TTN: variants seen among roughly 807,000 people sequenced by gnomAD.
The protein encoded by TTN is connectin.
TTN carries 1,525 observed loss-of-function variants against 3,223.0 expected under a neutral mutation model. That is an observed-to-expected ratio of 0.47 (90% CI 0.45 to 0.49). The LOEUF is 0.49. TTN is among the 20% of genes least tolerant of loss of function. The pLI is 0.00. For synonymous variants in TTN, 14,094 were observed against 15,161.0 expected (o/e 0.93, Z 5.17); for missense variants, 40,786 against 43,424.0 (o/e 0.94, Z 5.40).
Position 178,650,248 on chromosome 2 carries a change from C to T in TTN, c.39733G>A (p.Ala13245Thr). Reference protein sequence around the residue: ...PEVYEEPEEIAPEEEIAPEEE... With the variant: ...PEVYEEPEEITPEEEIAPEEE... ...TCAGGAGCAATTTCCTCTTCAGGAG[C>T]AATTTCCTCAGGTTCTTCATATACT... is the stretch of plus-strand genomic sequence containing the variant. Residue 13245 changes from alanine (A) to threonine (T), a missense_variant, in exon 210 of 363, where the codon GCT becomes ACT. Ala to Thr is a moderately conservative substitution (Grantham distance 58). Coordinates refer to ENST00000589042, the MANE Select transcript of TTN (RefSeq NM_001267550.2). 6.3e-7 allele frequency: 1 copy of T among 1,589,744 alleles called. No homozygotes were observed. Among genetic ancestry groups the T allele is most frequent in the Non-Finnish European group, 8.6e-7 (1 of 1,166,506 alleles).
In TTN at chr2:178,693,585, A is replaced by G. The variant is rs774258721; in HGVS notation, c.31594+24T>C. ...GTACTAATTTTTATTAAAAGAGTTT[A>G]AACTTAGAATGAATTACTAATACCT... On this transcript the variant is annotated intron_variant, in intron 119 of 362. Transcript: ENST00000589042. The G allele has an allele frequency of 2.0e-6, 3 of 1,496,388 alleles. No homozygotes were observed. The South Asian group carries it at 3.8e-5, about 19-fold the overall frequency. The allele number at this position is 1,496,388 out of a possible 1,614,324, so 92.7% of individuals were successfully genotyped here.
rs371678190 is a variant in TTN at position 178,578,066 on chromosome 2, G to A, written c.68449C>T (p.Arg22817Ter). 5 of 1,613,036 alleles carry A rather than the reference G, an allele frequency of 3.1e-6. No individual in the cohort carries two copies. Among genetic ancestry groups the A allele is most frequent in the South Asian group, 1.1e-5 (1 of 91,050 alleles). ...CCTGCTAAATTGATTGCCATAACTCGGAATTCATATTCAAGACCTTCAGTT... is the reference window on the plus strand; with the variant it reads ...CCTGCTAAATTGATTGCCATAACTCAGAATTCATATTCAAGACCTTCAGTT... ...GLTEGLEYEF[R>*]VMAINLAGVG... The change falls in exon 322 of 363, where the codon CGA becomes TGA. Residue 22817 changes from arginine (R) to a stop codon, truncating the protein, a stop_gained. Coordinates refer to ENST00000589042, the MANE Select transcript of TTN (RefSeq NM_001267550.2). LOFTEE classifies it high-confidence loss of function.
chr2:178,663,889 G>T lies in TTN; in HGVS notation c.36378C>A (p.Ser12126=). 6.2e-7 allele frequency: 1 copy of T among 1,613,278 alleles called. No individual in the cohort carries two copies. Among genetic ancestry groups the T allele is most frequent in the Non-Finnish European group, 8.5e-7 (1 of 1,179,768 alleles). The change falls in exon 170 of 363, where the codon TCC becomes TCA. Residue 12126 remains serine (S), a synonymous_variant. Coordinates refer to ENST00000589042, the MANE Select transcript of TTN (RefSeq NM_001267550.2). ...EVPPVKVPEA[S]KEVIREEKVP... is the part of the protein sequence containing the mutation. Reference sequence around the variant, plus strand: ...CTTTCTCTTCGCGGATAACCTCTTTGGAAGCTTCTGGCACTTGAAAGATAT... The same window carrying T: ...CTTTCTCTTCGCGGATAACCTCTTTTGAAGCTTCTGGCACTTGAAAGATAT...
rs1175908921 is a variant in TTN at position 178,633,107 on chromosome 2, C to T, written c.43087-63G>A. The T allele has an allele frequency of 8.1e-6, 13 of 1,599,494 alleles. No homozygotes were observed. In the South Asian group the frequency reaches 1.5e-4, roughly 18 times the overall value. On this transcript the variant is annotated intron_variant, in intron 233 of 362. Transcript: ENST00000589042. ...CATTTATATAGTTATTCCTACAAAT[C>T]ATCAAGATATTTTATGCCTTTTTTC...
Position 178,568,405 on chromosome 2 carries a change from T to C in TTN, c.77727A>G (p.Thr25909=), listed in dbSNP as rs775905241. Residue 25909 remains threonine, a synonymous_variant, in exon 326 of 363, where the codon ACA becomes ACG. Transcript: ENST00000589042. ...KFDDVSAESI[T]LSWNPPLYTG... Reference sequence around the variant, plus strand: ...TATATAATGGAGGGTTCCAAGATAATGTAATACTTTCAGCACTGACGTCAT... The same window carrying C: ...TATATAATGGAGGGTTCCAAGATAACGTAATACTTTCAGCACTGACGTCAT... 24 of 1,613,172 alleles carry C rather than the reference T, an allele frequency of 1.5e-5. No homozygotes were observed. The highest frequency in any genetic ancestry group is 3.3e-5 in the South Asian group (3 of 91,072).
intron 43 of TTN, among the ~76,000 whole-genome samples, chr2:178,762,569 CAT>C (rs1443583617): frequency 6.6e-6 from 1 of 152,072 alleles, no homozygotes; most frequent in East Asian, 1.9e-4. Flanking sequence ...GAATGATGTA[CAT>C]ATATGTTTAT....
rs1384015200 is a variant in TTN at position 178,663,999 on chromosome 2, A to G, written c.36364+16T>C. The G allele has an allele frequency of 1.9e-6, 3 of 1,612,434 alleles. No individual in the cohort carries two copies. The highest frequency in any genetic ancestry group is 2.5e-6 in the Non-Finnish European group (3 of 1,179,418). On this transcript the variant is annotated intron_variant, in intron 169 of 362. Transcript: ENST00000589042. ...AAGAATTAGGTCTTCTGAAGCCTAA[A>G]GTCAGTGACAAATACCTTTAACAGG...
intron 326 of TTN, 113 bp downstream of exon 326, chr2:178,559,198 A>T: frequency 1.0e-6 from 1 of 963,994 alleles, no homozygotes; most frequent in Non-Finnish European, 1.5e-6. Context: ...TTGGGGTGTG[A>T]AGGGTGTGAA....
chr2:178,795,386 T>C, intron 6 of TTN, 134 bp from the exon 7 acceptor site: 1 of 770,036 alleles, frequency 1.3e-6, no homozygotes, highest in Non-Finnish European at 2.2e-6. Context: ...ATTCAGAGGG[T>C]AAATAATGTA....
rs1707199683 is a variant in TTN, at chr2:178,569,173, A to C, written c.76959T>G (p.Thr25653=). 1.2e-6 allele frequency: 2 copies of C among 1,612,994 alleles called. No individual in the cohort carries two copies. Among genetic ancestry groups the C allele is most frequent in the Middle Eastern group, 1.6e-4 (1 of 6,070 alleles). Residue 25653 remains threonine, a synonymous_variant, in exon 326 of 363, where the codon ACT becomes ACG. Transcript: ENST00000589042. The stretch of plus-strand genomic sequence containing the variant: ...TTTTCCAAGAATTCTTATGGCAGTT[A>C]GTTACAACAGCAGCATATGATTTTC... ...ATRKSYAAVV[T]NCHKNSWKID...
chr2:178,735,946 C>T lies in TTN; in HGVS notation c.14500G>A (p.Ala4834Thr). 1 of 1,613,854 alleles carries T rather than the reference C, an allele frequency of 6.2e-7. No individual in the cohort carries two copies. The highest frequency in any genetic ancestry group is 1.1e-5 in the South Asian group (1 of 91,084). Residue 4834 changes from alanine (A) to threonine (T), a missense_variant, in exon 50 of 363, where the codon GCA (alanine) becomes ACA (threonine). By Grantham distance (58) the Ala-to-Thr change is moderately conservative. Transcript: ENST00000589042. ...IETIWQKDGA[A>T]LSPSPNWRIS... The stretch of plus-strand genomic sequence containing the variant: ...CTCCAGTTAGGTGAAGGTGAGAGTG[C>T]AGCACCATCTTTCTGCCAAATGGTT...
In TTN at chr2:178,564,588, T is replaced by C. The variant is rs879178329; in HGVS notation, c.81544A>G (p.Ile27182Val). The stretch of plus-strand genomic sequence containing the variant: ...TTCAGTGTGACATTGTTTCTTGTAA[T>C]AACAATGGCTTCAGGGCGACCAGGT... ...DPPGRPEAIV[I>V]TRNNVTLKWK... Residue 27182 changes from isoleucine to valine, a missense_variant, in exon 326 of 363, where the codon ATT (isoleucine) becomes GTT (valine). By Grantham distance (29) the Ile-to-Val change is conservative. Transcript: ENST00000589042. The C allele has an allele frequency of 1.2e-6, 2 of 1,613,396 alleles. No homozygotes were observed. Among genetic ancestry groups the C allele is most frequent in the African/African-American group, 1.3e-5 (1 of 74,902 alleles).
chr2:178,575,378 A>G lies in TTN; in HGVS notation c.70754T>C (p.Val23585Ala). 6.2e-7 allele frequency: 1 copy of G among 1,613,374 alleles called. No homozygotes were observed. Among genetic ancestry groups the G allele is most frequent in the African/African-American group, 1.3e-5 (1 of 74,938 alleles). The change falls in exon 326 of 363, where the codon GTG (valine) becomes GCG (alanine). Residue 23585 changes from valine to alanine, a missense_variant. Coordinates refer to ENST00000589042, the MANE Select transcript of TTN (RefSeq NM_001267550.2). This position sits in a 1 kb window ranked among gnomAD's most constrained non-coding sequence, Gnocchi z 4.0. ...GSDQWTHITT[V>A]KGLECVVRNL... ...CCTCACAACACATTCTAACCCTTTC[A>G]CGGTTGTGATGTGGGTCCACTGGTC...
chr2:178,748,818 T>A, intron 47 of TTN: 5 of 1,612,012 alleles, frequency 3.1e-6, no homozygotes, highest in Non-Finnish European at 4.2e-6. Context: ...TTTATTGCAA[T>A]GTTAGATGAA....
At position 178,582,541 on chromosome 2, in the gene TTN, C is replaced by T. The variant is rs200217934; in HGVS notation, c.65915G>A (p.Arg21972His). The part of the protein sequence containing the change: ...SVKINKMYSD[R>H]AMLSWEPPLE... ...AGGCGGTTCCCAAGAAAGCATAGCACGATCTGAATACATTTTGTTGATTTT... is the reference window on the plus strand; with the variant it reads ...AGGCGGTTCCCAAGAAAGCATAGCATGATCTGAATACATTTTGTTGATTTT... The change falls in exon 314 of 363, where the codon CGT becomes CAT. Residue 21972 changes from arginine (R) to histidine (H), a missense_variant. Physicochemically the swap from Arg to His is conservative, Grantham distance 29 (BLOSUM62 0). Transcript: ENST00000589042. 8.8e-5 allele frequency: 142 copies of T among 1,612,496 alleles called. No individual in the cohort carries two copies. Among genetic ancestry groups the T allele is most frequent in the Non-Finnish European group, 1.1e-4 (131 of 1,179,158 alleles).
Position 178,740,578 on chromosome 2 carries a change from C to T in TTN, c.12655G>A (p.Glu4219Lys). The T allele has an allele frequency of 6.2e-7, 1 of 1,613,806 alleles. No individual in the cohort carries two copies. Among genetic ancestry groups the T allele is most frequent in the Non-Finnish European group, 8.5e-7 (1 of 1,179,816 alleles). The change falls in exon 48 of 363, where the codon GAA (glutamate) becomes AAA (lysine). Residue 4219 changes from glutamate to lysine, a missense_variant. Glu to Lys is a moderately conservative substitution (Grantham distance 56). Transcript: ENST00000589042. ...GTTAGATAAGAATGCATTGGAGGTT[C>T]TATTGAAGACTGTGGATAATTCCCT... ...PEGNYPQSSI[E>K]PPMHSYLTSV...
chr2:178,692,666 C>T, intron 119 of TTN, 86 bp from the exon 120 acceptor site: 1 of 970,228 alleles, frequency 1.0e-6, no homozygotes, highest in Non-Finnish European at 1.5e-6. Context: ...ATAGAGATTC[C>T]CTTTTTATAC....
rs760089168 is a variant in TTN, at chr2:178,731,890, C to T, written c.16985G>A (p.Gly5662Asp). Residue 5662 changes from glycine to aspartate, a missense_variant, in exon 58 of 363, where the codon GGC becomes GAC. Transcript: ENST00000589042. ...YDVMLLAEVAGTPPFEITWFK... is the reference protein window; with the variant it reads ...YDVMLLAEVADTPPFEITWFK... ...CCAAGTGATCTCAAAGGGAGGAGTG[C>T]CTGCCACCTCAGCCAGCAACATGAC... The T allele has an allele frequency of 2.5e-5, 40 of 1,613,584 alleles. No individual in the cohort carries two copies. Among genetic ancestry groups the T allele is most frequent in the Middle Eastern group, 3.3e-4 (2 of 6,076 alleles).
Position 178,621,064 on chromosome 2 carries a change from A to C in TTN, c.45616+38T>G, listed in dbSNP as rs776782979. ...TGGTAAATACAAATACAAAACAAAC[A>C]AACAAACAAAAAACCCTAAAAGCAA... is the stretch of plus-strand genomic sequence containing the variant. On this transcript the variant is annotated intron_variant, in intron 246 of 362. Coordinates refer to ENST00000589042, the MANE Select transcript of TTN (RefSeq NM_001267550.2). 22 of 1,606,562 alleles carry C rather than the reference A, an allele frequency of 1.4e-5. No homozygotes were observed. The African/African-American group carries it at 3.0e-4, about 22-fold the overall frequency.
Sources: gnomAD v4.1 joint callset for allele counts (sites outside exome capture counted in the v4.1 genomes callset) on GRCh38, gnomAD v4.1.1 for gene constraint, Gnocchi (gnomAD v3.1) non-coding constraint, MANE v1.5 for transcripts, NCBI Gene and HGNC (gene_info 2026-07-23, HGNC 2026-07-21) for gene names.